COLGALT2: variants seen among roughly 807,000 people sequenced by gnomAD.
COLGALT2 encodes collagen beta(1-O)galactosyltransferase 2, also known as procollagen galactosyltransferase 2.
In COLGALT2, 49 loss-of-function variants were observed where a neutral mutation model predicts 73.4. The ratio of observed to expected loss-of-function variants is 0.67; its 90% confidence interval spans 0.53 to 0.85. The LOEUF is 0.85. COLGALT2 is among the 40% of genes least tolerant of loss of function. The pLI is 0.00. For synonymous variants in COLGALT2, 295 were observed against 307.6 expected, an observed-to-expected ratio of 0.96 and a Z score of 0.43; for missense variants, 722 against 790.2, an observed-to-expected ratio of 0.91 and a Z score of 1.03.
chr1:183,977,662 G>A (rs1444147835), intron 2 of COLGALT2, among the ~76,000 whole-genome samples: 1 of 151,820 alleles, frequency 6.6e-6, no homozygotes, highest in Non-Finnish European at 1.5e-5. Context: ...AGTGGTGCAT[G>A]GCTGTGGTCT....
rs1476266746 is a variant in COLGALT2 at position 184,037,457 on chromosome 1, GGCGGCCGGGGGATGCGGCTTGCC to G, written c.-123_-101del. The G allele has an allele frequency of 3.3e-6, 4 of 1,213,432 alleles. No individual in the cohort carries two copies. Among genetic ancestry groups the G allele is most frequent in the African/African-American group, 3.2e-5 (2 of 63,146 alleles). 75.2% of individuals were successfully genotyped at this position (1,213,432 alleles called of 1,614,324 possible). A position where few individuals can be genotyped will look rare whatever the true frequency, so the allele number is the denominator to read the frequency against. On this transcript the variant is annotated 5_prime_UTR_variant, in exon 1 of 12. Transcript: ENST00000361927. ...TGCCGGGGAGCAAGGGGCTGCGAGG[GGCGGCCGGGGGATGCGGCTTGCC>G]GCGGCCGGCCGGCTCACACACTGGC...
At chr1:184,006,012 A>G (rs936790640) in intron 1 of COLGALT2, among the ~76,000 whole-genome samples, 6 of 152,234 alleles carry the variant, frequency 3.9e-5, no homozygotes, top group African/African-American at 1.4e-4. Context: ...AACCATCTTC[A>G]TACCAGTTTC....
At chr1:183,964,706 G>A (rs907622022) in intron 5 of COLGALT2, among the ~76,000 whole-genome samples, 1 of 152,108 alleles carries the variant, frequency 6.6e-6, no homozygotes, top group Non-Finnish European at 1.5e-5. Flanking sequence ...TATTCAAATT[G>A]TTCTTCATAG....
chr1:183,937,294 A>G lies in COLGALT2; in HGVS notation c.*1467T>C. On this transcript the variant is annotated 3_prime_UTR_variant, in exon 12 of 12. Coordinates refer to ENST00000361927, the MANE Select transcript of COLGALT2 (RefSeq NM_015101.4). ...GGGATGCCTGGGAGGGTTTTTCTGG[A>G]GACAAAAATTTACAGATTGAGGGCA... 1 of 1,113,056 alleles carries G rather than the reference A, an allele frequency of 9.0e-7. No homozygotes were observed. Among genetic ancestry groups the G allele is most frequent in the Non-Finnish European group, 1.1e-6 (1 of 913,174 alleles). The allele number at this position is 1,113,056 out of a possible 1,614,324, so 68.9% of individuals were successfully genotyped here. A position where few individuals can be genotyped will look rare whatever the true frequency, so the allele number is the denominator to read the frequency against.
rs760202245 is a variant in COLGALT2 at position 184,037,187 on chromosome 1, C to T, written c.171G>A (p.Val57=). Residue 57 remains valine (V), a synonymous_variant, in exon 1 of 12, where the codon GTG becomes GTA. Coordinates refer to ENST00000361927, the MANE Select transcript of COLGALT2 (RefSeq NM_015101.4). ...ESPLQSPTVL[V]AVLARNAAHT... ...GCGCCGCGTTGCGGGCGAGGACCGC[C>T]ACGAGCACCGTGGGGCTCTGCAGGG... is the stretch of plus-strand genomic sequence containing the variant. 9 of 1,605,250 alleles carry T rather than the reference C, an allele frequency of 5.6e-6. No individual in the cohort carries two copies. The highest frequency in any genetic ancestry group is 5.4e-5 in the African/African-American group (4 of 74,358).
intron 1 of COLGALT2, among the ~76,000 whole-genome samples, chr1:184,009,443 T>C (rs1311446806): frequency 1.3e-5 from 2 of 152,224 alleles, no homozygotes; most frequent in Non-Finnish European, 2.9e-5. Flanking sequence ...TTATATTTGG[T>C]CAATTATGCC....
intron 1 of COLGALT2, among the ~76,000 whole-genome samples, chr1:183,982,908 A>G (rs1353970313): frequency 6.6e-6 from 1 of 152,188 alleles, no homozygotes; most frequent in Non-Finnish European, 1.5e-5. Flanking sequence ...CTCTACATCA[A>G]TGCATTTCCT....
exon 12 of COLGALT2, chr1:183,930,184 C>G: frequency 2.2e-6 from 1 of 456,074 alleles, no homozygotes; most frequent in Non-Finnish European, 4.4e-6. Flanking sequence ...ACGACCACCT[C>G]TGCCACAGAG....
At chr1:183,933,632 G>A (rs1041452401), downstream of COLGALT2, among the ~76,000 whole-genome samples, 2 of 152,186 alleles carry the variant, frequency 1.3e-5, no homozygotes, top group African/African-American at 4.8e-5. Flanking sequence ...AACAGAGAGA[G>A]AGAGAGAGCT....
chr1:183,947,707 C>T (rs1302567366), intron 8 of COLGALT2, among the ~76,000 whole-genome samples: 2 of 151,804 alleles, frequency 1.3e-5, no homozygotes, highest in African/African-American at 4.8e-5. Flanking sequence ...GAAAATTAAA[C>T]CCAAAGCAAA....
chr1:184,016,684 A>G (rs918504868), intron 1 of COLGALT2, among the ~76,000 whole-genome samples: 8 of 152,222 alleles, frequency 5.3e-5, no homozygotes, highest in Non-Finnish European at 8.8e-5. Flanking sequence ...GTAAAATTAA[A>G]TTTCAAAAGT....
intron 1 of COLGALT2, among the ~76,000 whole-genome samples, chr1:183,989,318 C>G (rs1441708522): frequency 6.6e-6 from 1 of 152,190 alleles, no homozygotes; most frequent in East Asian, 1.9e-4. Context: ...TGGGGATGTC[C>G]AGCACTGCCT....
Position 183,977,126 on chromosome 1 carries a change from T to C in COLGALT2, c.374+1284A>G, listed in dbSNP as rs376864936. Among the ~76,000 whole-genome samples the C allele has an allele frequency of 4.6e-5, 7 of 152,298 alleles. 1 individual carries two copies. Among genetic ancestry groups the C allele is most frequent in the South Asian group, 4.1e-4 (2 of 4,826 alleles). On this transcript the variant is annotated intron_variant, in intron 2 of 11. Transcript: ENST00000361927. ...CCATTTCATTTGTATTTGAGGTAGATTGATTTGACTGTATGGTATGTAGGA... is the reference window on the plus strand; with the variant it reads ...CCATTTCATTTGTATTTGAGGTAGACTGATTTGACTGTATGGTATGTAGGA...
chr1:183,975,674 A>T (rs1328969031), intron 2 of COLGALT2, among the ~76,000 whole-genome samples: 2 of 152,234 alleles, frequency 1.3e-5, no homozygotes, highest in Non-Finnish European at 2.9e-5. Context: ...TCAAAGGTTT[A>T]ATCTACTTGT....
intron 4 of COLGALT2, among the ~76,000 whole-genome samples, chr1:183,971,591 A>G (rs1306496119): frequency 6.6e-6 from 1 of 152,208 alleles, no homozygotes; most frequent in Non-Finnish European, 1.5e-5. Flanking sequence ...CAAGGAAGTG[A>G]ATGGCTGTTA....
chr1:183,945,261 C>A (rs1350236122), intron 9 of COLGALT2, among the ~76,000 whole-genome samples, 171 bp downstream of exon 9: 1 of 152,222 alleles, frequency 6.6e-6, no homozygotes, highest in East Asian at 1.9e-4. Context: ...CTCCTCCTTG[C>A]CCCTTTGTTG....
chr1:183,938,796 A>G lies in COLGALT2; in HGVS notation c.1846T>C (p.Ser616Pro). The change falls in exon 12 of 12, where the codon TCC becomes CCC. Residue 616 changes from serine to proline, a missense_variant. Transcript: ENST00000361927. Reference sequence around the variant, plus strand: ...TCCCTTGAAGGCACAGTGTCCAGGGAGGTTGGCGGTGGCAGGGCCTCTGTG... The same window carrying G: ...TCCCTTGAAGGCACAGTGTCCAGGGGGGTTGGCGGTGGCAGGGCCTCTGTG... Reference protein sequence around the residue: ...KNTEALPPPTSLDTVPSRDEL With the variant: ...KNTEALPPPTPLDTVPSRDEL 6.2e-7 allele frequency: 1 copy of G among 1,614,070 alleles called. No individual in the cohort carries two copies. The highest frequency in any genetic ancestry group is 8.5e-7 in the Non-Finnish European group (1 of 1,180,004).
chr1:183,964,613 A>G (rs1355333924), intron 5 of COLGALT2: 1 of 152,330 alleles, frequency 6.6e-6, no homozygotes, highest in Non-Finnish European at 1.5e-5. Flanking sequence ...CAGTTCATAT[A>G]GAGACAAAAG....
chr1:183,961,204 AGGT>A (rs1670689737), intron 6 of COLGALT2, among the ~76,000 whole-genome samples: 1 of 152,262 alleles, frequency 6.6e-6, no homozygotes, highest in Non-Finnish European at 1.5e-5. Flanking sequence ...TTAGCACTAG[AGGT>A]GGCATGTGTT....
Sources: allele counts gnomAD v4.1 joint callset (sites outside exome capture counted in the v4.1 genomes callset), GRCh38; gene constraint gnomAD v4.1.1; transcripts MANE v1.5; gene names NCBI Gene and HGNC (gene_info 2026-07-23, HGNC 2026-07-21).